Variants in TAF4 observed in about 807,000 individuals in gnomAD.
TAF4 encodes TATA-box binding protein associated factor 4.
A neutral mutation model predicts 90.3 loss-of-function variants in TAF4; 9 were observed. The ratio of observed to expected loss-of-function variants is 0.10; its 90% CI spans 0.06 to 0.17. The LOEUF (loss-of-function observed/expected upper bound fraction) is 0.17, where lower values mean the gene tolerates loss of function less well. Ranked by LOEUF, TAF4 falls within the 10% of genes least tolerant of loss-of-function variation. TAF4 has a pLI of 1.00. For missense variants in TAF4, 1,351 were observed against 1,370.7 expected (o/e 0.99, Z 0.23); for synonymous variants, 818 against 638.9 (o/e 1.28, Z -4.23).
intron 1 of TAF4, among the ~76,000 whole-genome samples, chr20:62,033,859 G>A (rs922574064): frequency 2.0e-5 from 3 of 151,934 alleles, no homozygotes; most frequent in East Asian, 1.9e-4. Context: ...TGGCTAACAC[G>A]GTGAAACCCC....
Position 62,064,991 on chromosome 20 carries a change from G to T in TAF4, c.820C>A (p.Pro274Thr), listed in dbSNP as rs1179977196. The change falls in exon 1 of 15, where the codon CCC (proline) becomes ACC (threonine). Residue 274 changes from proline (P) to threonine (T), a missense_variant. Pro to Thr is a conservative substitution (Grantham distance 38). Around this residue, in one of 9 missense-constraint regions of TAF4, gnomAD observed 782 missense variants for 536.6 expected, o/e 1.46. Coordinates refer to ENST00000252996, the MANE Select transcript of TAF4 (RefSeq NM_003185.4). ...AAPAAAPPPPPPAPATLARPP... is the reference protein window; with the variant it reads ...AAPAAAPPPPTPAPATLARPP... ...CGGGCCAGAGTGGCGGGCGCGGGGG[G>T]TGGCGGGGGCGGGGCGGCGGCGGGG... 3 of 273,830 alleles carry T rather than the reference G, an allele frequency of 1.1e-5. No individual in the cohort carries two copies. The highest frequency in any genetic ancestry group is 1.4e-4 in the South Asian group (1 of 6,972). The allele number at this position is 273,830 out of a possible 1,614,324, so 17.0% of individuals were successfully genotyped here.
At chr20:61,991,751 T>C (rs549469424) in intron 14 of TAF4, among the ~76,000 whole-genome samples, 1 of 152,278 alleles carries the variant, frequency 6.6e-6, no homozygotes, top group South Asian at 2.1e-4. Flanking sequence ...GGATCATTAT[T>C]GCAGATGTTC....
intron 1 of TAF4, among the ~76,000 whole-genome samples, chr20:62,044,701 C>T (rs2055983068): frequency 6.6e-6 from 1 of 152,154 alleles, no homozygotes; most frequent in South Asian, 2.1e-4. Context: ...CTTTTCTGTG[C>T]AAGAGAAGAG....
At position 62,012,921 on chromosome 20, in the gene TAF4, G is replaced by T; in HGVS notation, c.1535C>A (p.Pro512His). 1 of 1,612,418 alleles carries T rather than the reference G, an allele frequency of 6.2e-7. No homozygotes were observed. Among genetic ancestry groups the T allele is most frequent in the Non-Finnish European group, 8.5e-7 (1 of 1,179,638 alleles). Reference protein sequence around the residue: ...QISTVQAPGTPIIARQVTPTT... With the variant: ...QISTVQAPGTHIIARQVTPTT... ...TGGGGTCACCTGCCGTGCAATGATA[G>T]GTGTTCCAGGTGCCTGAAAAATAAG... Residue 512 changes from proline to histidine, a missense_variant, in exon 3 of 15, where the codon CCT becomes CAT. Coordinates refer to ENST00000252996, the MANE Select transcript of TAF4 (RefSeq NM_003185.4).
chr20:62,003,649 C>T (rs1431468641), intron 8 of TAF4, 82 bp downstream of exon 8: 1 of 1,438,332 alleles, frequency 7.0e-7, no homozygotes, highest in Admixed American at 2.7e-5. Flanking sequence ...TACATTTTAC[C>T]CAATTAAATA....
intron 10 of TAF4, 124 bp from the exon 11 acceptor site, chr20:62,000,378 G>T: frequency 2.1e-6 from 3 of 1,439,280 alleles, no homozygotes; most frequent in Non-Finnish European, 2.8e-6. Flanking sequence ...AAAGGCTGGT[G>T]GGGTGGAAGG....
At position 62,064,575 on chromosome 20, in the gene TAF4, C is replaced by A; in HGVS notation, c.1236G>T (p.Leu412=). 4 of 1,512,538 alleles carry A rather than the reference C, an allele frequency of 2.6e-6. No homozygotes were observed. The highest frequency in any genetic ancestry group is 3.5e-6 in the Non-Finnish European group (4 of 1,136,046). 93.7% of individuals were successfully genotyped at this position (1,512,538 alleles called of 1,614,324 possible). A position where few individuals can be genotyped will look rare whatever the true frequency, so the allele number is the denominator to read the frequency against. ...TGGTGGTGGCCGTGGGCGTCCGGGA[C>A]AGGCTCTGGGTCACTGCGCCGGCCG... ...KGAAGAVTQS[L]SRTPTATTSG... Residue 412 remains leucine (L), a synonymous_variant, in exon 1 of 15, where the codon CTG becomes CTT. Coordinates refer to ENST00000252996, the MANE Select transcript of TAF4 (RefSeq NM_003185.4).
rs1001475517 is a variant in TAF4 at position 61,976,064 on chromosome 20, T to C, written c.*104A>G. 6.4e-6 allele frequency: 8 copies of C among 1,243,024 alleles called. No individual in the cohort carries two copies. The highest frequency in any genetic ancestry group is 9.2e-6 in the Non-Finnish European group (8 of 869,906). 77.0% of individuals were successfully genotyped at this position (1,243,024 alleles called of 1,614,324 possible). On this transcript the variant is annotated 3_prime_UTR_variant, in exon 15 of 15. Coordinates refer to ENST00000252996, the MANE Select transcript of TAF4 (RefSeq NM_003185.4). ...ATTTAGAAACAGGAATATAAAACTG[T>C]TCCATTGTAAAGAGGTGGCTGTTTT... is the stretch of plus-strand genomic sequence containing the variant.
At position 62,031,879 on chromosome 20, in the gene TAF4, G is replaced by A. The variant is rs372574060; in HGVS notation, c.1361-17172C>T. Among the ~76,000 whole-genome samples, 9 of 152,006 alleles carry A rather than the reference G, an allele frequency of 5.9e-5. No individual in the cohort carries two copies. In the South Asian group the frequency reaches 1.0e-3, roughly 18 times the overall value. On this transcript the variant is annotated intron_variant, in intron 1 of 14. Coordinates refer to ENST00000252996, the MANE Select transcript of TAF4 (RefSeq NM_003185.4). ...CAGGGAAGGCCCCGTGGAACAGCCC[G>A]GGAAGAGGGCAGCTGGCCCAGCAAC...
intron 1 of TAF4, among the ~76,000 whole-genome samples, chr20:62,040,357 G>C (rs967920870): frequency 6.6e-6 from 1 of 152,236 alleles, no homozygotes; most frequent in Non-Finnish European, 1.5e-5. Flanking sequence ...CCCGCCAAGG[G>C]AAAGGGCCAG....
Position 62,027,016 on chromosome 20 carries a change from C to T in TAF4, c.1361-12309G>A, listed in dbSNP as rs28382032. 4.8e-3 allele frequency among the ~76,000 whole-genome samples: 738 copies of T among 152,362 alleles called. 9 individuals carry two copies. Among genetic ancestry groups the T allele is most frequent in the African/African-American group, 0.017 (694 of 41,584 alleles). On this transcript the variant is annotated intron_variant, in intron 1 of 14. Coordinates refer to ENST00000252996, the MANE Select transcript of TAF4 (RefSeq NM_003185.4). ...GCGACTCAACAGGAATGCTTACCCT[C>T]GTGCCTGTGTACAAAAGAGCTACGT...
chr20:61,999,166 G>T (rs964638754), intron 11 of TAF4, 58 bp from the exon 12 acceptor site: 1 of 1,593,398 alleles, frequency 6.3e-7, no homozygotes, highest in Non-Finnish European at 8.5e-7. Flanking sequence ...CAAGCAAAGG[G>T]GTTGTCTAGC....
rs56759835 is a variant in TAF4 at position 62,014,019 on chromosome 20, G to GGTGTGT, written c.1521+522_1521+527dup. Among the ~76,000 whole-genome samples, 27 of 126,468 alleles carry GGTGTGT rather than the reference G, an allele frequency of 2.1e-4. 1 individual carries two copies. In the East Asian group the frequency reaches 3.6e-3, roughly 17 times the overall value. 83.0% of individuals were successfully genotyped at this position (126,468 alleles called of 152,430 possible). The stretch of plus-strand genomic sequence containing the variant: ...CCCTGAAGGCTGACGCGGGGGTGTG[G>GGTGTGT]GTGTGTGTGTGTGTGTGTGTGTGTG... On this transcript the variant is annotated intron_variant, in intron 2 of 14. Coordinates refer to ENST00000252996, the MANE Select transcript of TAF4 (RefSeq NM_003185.4).
At chr20:61,981,272 A>C (rs543056023) in intron 14 of TAF4, 1 of 152,344 alleles carries the variant, frequency 6.6e-6, no homozygotes, top group South Asian at 2.1e-4. Context: ...AAGTCAGAGA[A>C]GAGTCAAAAA....
In TAF4 at chr20:62,064,681, G is replaced by C. The variant is rs764103974; in HGVS notation, c.1130C>G (p.Pro377Arg). 3.9e-6 allele frequency: 5 copies of C among 1,272,354 alleles called. No homozygotes were observed. In the African/African-American group the frequency reaches 6.3e-5, roughly 16 times the overall value. The allele number at this position is 1,272,354 out of a possible 1,614,324, so 78.8% of individuals were successfully genotyped here. A position where few individuals can be genotyped will look rare whatever the true frequency, so the allele number is the denominator to read the frequency against. ...ASTAASMVIG[P>R]TMQGALPSPA... ...GCTGGGCAGCGCCCCTTGCATAGTTGGCCCGATGACCATGCTGGCCGCCGT... is the reference window on the plus strand; with the variant it reads ...GCTGGGCAGCGCCCCTTGCATAGTTCGCCCGATGACCATGCTGGCCGCCGT... Residue 377 changes from proline (P) to arginine (R), a missense_variant, in exon 1 of 15, where the codon CCA (proline) becomes CGA (arginine). Pro to Arg is a moderately radical substitution (Grantham distance 103). Coordinates refer to ENST00000252996, the MANE Select transcript of TAF4 (RefSeq NM_003185.4).
rs577432342 is a variant in TAF4 at position 61,982,314 on chromosome 20, C to T, written c.3091-5979G>A. Reference sequence around the variant, plus strand: ...AGAGAGGAGACACCAAAACCCACACCCCATCCGAGGAAACACCAAACCCAC... The same window carrying T: ...AGAGAGGAGACACCAAAACCCACACTCCATCCGAGGAAACACCAAACCCAC... On this transcript the variant is annotated intron_variant, in intron 14 of 14. Transcript: ENST00000252996. 6.4e-4 allele frequency among the ~76,000 whole-genome samples: 37 copies of T among 57,462 alleles called. 1 individual carries two copies. The highest frequency in any genetic ancestry group is 2.4e-3 in the African/African-American group (33 of 13,554). The allele number at this position is 57,462 out of a possible 152,430, so 37.7% of individuals were successfully genotyped here.
At chr20:61,986,034 A>T (rs1342426743) in intron 14 of TAF4, among the ~76,000 whole-genome samples, 1 of 133,190 alleles carries the variant, frequency 7.5e-6, no homozygotes, top group African/African-American at 2.8e-5. Context: ...ATCAAAGGAA[A>T]CACCATCCCC....
intron 14 of TAF4, among the ~76,000 whole-genome samples, chr20:61,982,008 C>A (rs1267745200): frequency 3.2e-5 from 4 of 124,016 alleles, no homozygotes; most frequent in South Asian, 3.1e-4. Flanking sequence ...CAAACTCACA[C>A]CCCACCCGAG....
At chr20:62,049,337 G>A (rs190927122) in intron 1 of TAF4, among the ~76,000 whole-genome samples, 155 of 152,260 alleles carry the variant, frequency 1.0e-3, no homozygotes, top group Middle Eastern at 3.4e-3. Context: ...GTGAGCATGG[G>A]AGGCGCACAC....
Sources: gnomAD v4.1 joint callset for allele counts (sites outside exome capture counted in the v4.1 genomes callset) on GRCh38, gnomAD v4.1.1 for gene constraint, gnomAD v4.1.1 regional missense constraint, MANE v1.5 for transcripts, NCBI Gene and HGNC (gene_info 2026-07-23, HGNC 2026-07-21) for gene names.